Variants in TENM3 observed in about 807,000 individuals in gnomAD.
TENM3 encodes teneurin transmembrane protein 3.
In TENM3, 63 loss-of-function variants were observed where a neutral mutation model predicts 255.1. The ratio of observed to expected loss-of-function variants is 0.25; its 90% CI spans 0.20 to 0.30. TENM3 has a LOEUF of 0.30. Ranked by LOEUF, TENM3 falls within the 10% of genes least tolerant of loss-of-function variation. The pLI is 1.00. For synonymous variants in TENM3, 1,306 were observed against 1,322.3 expected (o/e 0.99, Z 0.27); for missense variants, 2,929 against 3,461.1 (o/e 0.85, Z 3.86).
chr4:181,734,654 C>G, the TENM3 span, among the ~76,000 whole-genome samples: 6 of 152,048 alleles, frequency 3.9e-5, no homozygotes, highest in Non-Finnish European at 8.8e-5. Flanking sequence ...TTCCAAAGCA[C>G]AGGAAAAAAG....
chr4:182,395,539 T>A (rs1768750800), intron 3 of TENM3, among the ~76,000 whole-genome samples: 1 of 152,196 alleles, frequency 6.6e-6, no homozygotes, highest in South Asian at 2.1e-4. Flanking sequence ...TAAAATGTTT[T>A]AATTGTTGCT....
the TENM3 span, among the ~76,000 whole-genome samples, chr4:181,563,355 T>C: frequency 6.6e-6 from 1 of 152,192 alleles, no homozygotes; most frequent in Non-Finnish European, 1.5e-5. Context: ...TGTGTGTTTC[T>C]CTGTGCCCAA....
chr4:181,718,980 G>A, the TENM3 span, among the ~76,000 whole-genome samples: 20 of 152,170 alleles, frequency 1.3e-4, no homozygotes, highest in South Asian at 2.1e-4. Flanking sequence ...GCCGAGGCGG[G>A]TGGATCATGA....
chr4:181,689,948 G>T, the TENM3 span, among the ~76,000 whole-genome samples: 1 of 152,114 alleles, frequency 6.6e-6, no homozygotes, highest in African/African-American at 2.4e-5. Flanking sequence ...GCTAGTAAGA[G>T]AAGGGAGAAA....
Position 182,332,585 on chromosome 4 carries a change from T to C in TENM3, c.232+8333T>C, listed in dbSNP as rs377342038. ...GGTGGGCGCCTGTAATCCCAGCTAC[T>C]TGGGAGGCTGGGGCAGGAGAATGGC... On this transcript the variant is annotated intron_variant, in intron 2 of 27. Coordinates refer to ENST00000511685, the MANE Select transcript of TENM3 (RefSeq NM_001080477.4). 4.5e-4 allele frequency among the ~76,000 whole-genome samples: 69 copies of C among 151,744 alleles called. 2 individuals carry two copies. The East Asian group carries it at 0.013, about 29-fold the overall frequency.
intron 3 of TENM3, 143 bp from the exon 4 acceptor site, chr4:182,600,781 C>T: frequency 2.2e-6 from 1 of 453,870 alleles, no homozygotes; most frequent in Non-Finnish European, 3.8e-6. Flanking sequence ...GAATAATATG[C>T]AAATTTATTA....
At chr4:182,490,369 A>G (rs17073401) in intron 3 of TENM3, among the ~76,000 whole-genome samples, 1,951 of 152,286 alleles carry the variant, frequency 0.013, 38 homozygotes, top group African/African-American at 0.045. Context: ...CCTGTGATCA[A>G]TTTTTGGATG....
chr4:181,493,913 A>G, the TENM3 span, among the ~76,000 whole-genome samples: 1 of 152,116 alleles, frequency 6.6e-6, no homozygotes, highest in Non-Finnish European at 1.5e-5. Flanking sequence ...AACAATAAGA[A>G]CAACCACCGC....
rs568169240 is a variant in TENM3, at chr4:182,291,848, G to A, written c.-75-32098G>A. ...TTCCCATGGCATATTGTCTCCAGGC[G>A]CTCTAGGGTCTTAAACTCAGCTGTG... On this transcript the variant is annotated intron_variant, in intron 1 of 27. Coordinates refer to ENST00000511685, the MANE Select transcript of TENM3 (RefSeq NM_001080477.4). Among the ~76,000 whole-genome samples, 9 of 152,212 alleles carry A rather than the reference G, an allele frequency of 5.9e-5. No homozygotes were observed. The East Asian group carries it at 7.8e-4, about 13-fold the overall frequency.
intron 3 of TENM3, among the ~76,000 whole-genome samples, chr4:182,483,205 A>G (rs1015094833): frequency 6.6e-6 from 1 of 152,182 alleles, no homozygotes; most frequent in Non-Finnish European, 1.5e-5. Context: ...CTGGACTAAC[A>G]ACATTGTGTT....
chr4:182,001,168 G>A, the TENM3 span, among the ~76,000 whole-genome samples: 1 of 151,586 alleles, frequency 6.6e-6, no homozygotes, highest in African/African-American at 2.4e-5. Context: ...CCTGTTTGCG[G>A]TCAACCAGTT....
the TENM3 span, among the ~76,000 whole-genome samples, chr4:181,839,979 A>T: frequency 2.6e-5 from 4 of 151,730 alleles, no homozygotes; most frequent in Admixed American, 6.6e-5. Flanking sequence ...ATGTTGCTTC[A>T]GTCATTTTCT....
At chr4:182,135,381 C>T in the TENM3 span, among the ~76,000 whole-genome samples, 3 of 152,026 alleles carry the variant, frequency 2.0e-5, no homozygotes, top group African/African-American at 7.2e-5. Context: ...GAAAGAATTC[C>T]ATGACCCATG....
At chr4:181,790,772 A>C in the TENM3 span, among the ~76,000 whole-genome samples, 4 of 152,186 alleles carry the variant, frequency 2.6e-5, no homozygotes, top group Non-Finnish European at 5.9e-5. Context: ...TATTCTTCTT[A>C]ATATCTGCTT....
chr4:182,051,072 G>GTGCA, the TENM3 span, among the ~76,000 whole-genome samples: 126 of 152,128 alleles, frequency 8.3e-4, no homozygotes, highest in African/African-American at 3.0e-3. Flanking sequence ...GTCTGGGCAT[G>GTGCA]GTGGCTCATG....
chr4:182,275,926 C>T (rs1020215352), intron 1 of TENM3, among the ~76,000 whole-genome samples: 22 of 152,122 alleles, frequency 1.4e-4, no homozygotes, highest in Admixed American at 5.2e-4. Flanking sequence ...GGCAACAGAG[C>T]AAGACCTGAT....
At chr4:182,596,637 C>T (rs1218544167) in intron 3 of TENM3, among the ~76,000 whole-genome samples, 1 of 152,178 alleles carries the variant, frequency 6.6e-6, no homozygotes, top group Admixed American at 6.5e-5. Flanking sequence ...GGAGTGGCTA[C>T]AGCAAGCGTG....
chr4:182,004,223 CA>C, the TENM3 span, among the ~76,000 whole-genome samples: 1 of 152,138 alleles, frequency 6.6e-6, no homozygotes, highest in Non-Finnish European at 1.5e-5. Flanking sequence ...GCCTCACCCC[CA>C]ACCCCCCAAC....
intron 3 of TENM3, among the ~76,000 whole-genome samples, chr4:182,526,153 T>C (rs542581254): frequency 2.0e-5 from 3 of 152,000 alleles, no homozygotes; most frequent in Non-Finnish European, 4.4e-5. Context: ...CTGATTTTTT[T>C]GTATTTTTAG....
Sources: gnomAD v4.1 joint callset for allele counts (sites outside exome capture counted in the v4.1 genomes callset) on GRCh38, gnomAD v4.1.1 for gene constraint, MANE v1.5 for transcripts, NCBI Gene and HGNC (gene_info 2026-07-23, HGNC 2026-07-21) for gene names.